The following USP25 variants were observed in gnomAD, a reference collection of about 807,000 sequenced individuals.
The protein encoded by USP25 is ubiquitin carboxyl-terminal hydrolase 25.
In USP25, 85 loss-of-function variants were observed where a neutral mutation model predicts 158.5. The observed-to-expected ratio is 0.54, with a 90% confidence interval of 0.45 to 0.64. USP25 has a LOEUF of 0.64. USP25 is among the 30% of genes least tolerant of loss of function. USP25 has a pLI of 0.00. For missense variants in USP25, 1,242 were observed against 1,327.3 expected (o/e 0.94, Z 1.00); for synonymous variants, 464 against 460.4 (o/e 1.01, Z -0.10).
At chr21:15,750,215 T>TA (rs1491098028) in intron 1 of USP25, among the ~76,000 whole-genome samples, 1,030 of 8,892 alleles carry the variant, frequency 0.12, 18 homozygotes, top group African/African-American at 0.13. Context: ...TGTGTGTATG[T>TA]TTTTTTTTTT....
Position 15,755,782 on chromosome 21 carries a change from G to T in USP25, c.46-7109G>T, listed in dbSNP as rs1273814497. 2.0e-5 allele frequency among the ~76,000 whole-genome samples: 3 copies of T among 152,184 alleles called. No homozygotes were observed. In the East Asian group the frequency reaches 5.8e-4, roughly 29 times the overall value. On this transcript the variant is annotated intron_variant, in intron 1 of 25. Coordinates refer to ENST00000400183, the MANE Select transcript of USP25 (RefSeq NM_001283041.3). The stretch of plus-strand genomic sequence containing the variant: ...AAGTGCATACAAATTTATTGACATG[G>T]AAGCATGGGTGGGAGCTACAAAAAA...
At chr21:15,761,326 C>G (rs1230893041) in intron 1 of USP25, among the ~76,000 whole-genome samples, 1 of 152,154 alleles carries the variant, frequency 6.6e-6, no homozygotes. Flanking sequence ...GGCCTCCCCC[C>G]CAGGAATGTC....
At position 15,878,877 on chromosome 21, in the gene USP25, GAAA is replaced by G. The variant is rs2040199025; in HGVS notation, c.*403_*405del. On this transcript the variant is annotated 3_prime_UTR_variant, in exon 26 of 26. Transcript: ENST00000400183. ...ACATAATATTTGGTAGCTTGTAAAT[GAAA>G]TAAAGAATAAAGTTTTATTTATGGC... 1 of 154,882 alleles carries G rather than the reference GAAA, an allele frequency of 6.5e-6. No individual in the cohort carries two copies. The highest frequency in any genetic ancestry group is 1.4e-5 in the Non-Finnish European group (1 of 69,726). 9.6% of individuals were successfully genotyped at this position (154,882 alleles called of 1,614,324 possible).
At chr21:15,793,918 T>C (rs1215513150) in intron 5 of USP25, among the ~76,000 whole-genome samples, 3 of 151,736 alleles carry the variant, frequency 2.0e-5, no homozygotes, top group South Asian at 2.1e-4. Flanking sequence ...AACTGAGATA[T>C]AATACTTGGC....
chr21:15,825,027 G>A lies in USP25; in HGVS notation c.1270G>A (p.Asp424Asn). The stretch of plus-strand genomic sequence containing the variant: ...GAGGGAAGAGATCAAGAGACTGAAA[G>A]ATTACCTCACGGTATTACAACAAAG... ...IKREEIKRLK[D>N]YLTVLQQRLE... The change falls in exon 12 of 26, where the codon GAT (aspartate) becomes AAT (asparagine). Residue 424 changes from aspartate (D) to asparagine (N), a missense_variant. Asp to Asn is a conservative substitution (Grantham distance 23). Around this residue, in one of 3 missense-constraint regions of USP25, gnomAD observed 627 missense variants for 701.4 expected, o/e 0.89. Transcript: ENST00000400183. 1 of 1,612,152 alleles carries A rather than the reference G, an allele frequency of 6.2e-7. No homozygotes were observed. The highest frequency in any genetic ancestry group is 8.5e-7 in the Non-Finnish European group (1 of 1,179,148).
chr21:15,828,258 C>G (rs1601050547), intron 14 of USP25, among the ~76,000 whole-genome samples: 1 of 152,274 alleles, frequency 6.6e-6, no homozygotes, highest in South Asian at 2.1e-4. Context: ...AATATTTGAA[C>G]TCATTAACAA....
intron 7 of USP25, 36 bp from the exon 8 acceptor site, chr21:15,808,773 A>T: frequency 6.6e-7 from 1 of 1,507,346 alleles, no homozygotes; most frequent in Middle Eastern, 1.9e-4. Flanking sequence ...TTTTTTTAGT[A>T]GGCTCAAATA....
At chr21:15,811,865 C>T (rs78348462) in intron 9 of USP25, among the ~76,000 whole-genome samples, 1 of 152,144 alleles carries the variant, frequency 6.6e-6, no homozygotes, top group East Asian at 1.9e-4. Flanking sequence ...GTTTTTCTCA[C>T]ATCACCCAAT....
At chr21:15,743,529 T>G (rs1005979788) in intron 1 of USP25, among the ~76,000 whole-genome samples, 4 of 151,996 alleles carry the variant, frequency 2.6e-5, no homozygotes, top group Non-Finnish European at 5.9e-5. Flanking sequence ...TTTTTTAGGT[T>G]TGGAATGAGG....
intron 5 of USP25, among the ~76,000 whole-genome samples, chr21:15,793,223 A>C (rs892018490): frequency 6.6e-6 from 1 of 151,692 alleles, no homozygotes; most frequent in Non-Finnish European, 1.5e-5. Flanking sequence ...ATAAGAAGAA[A>C]GAAAGTATTT....
At chr21:15,752,666 C>G (rs1446953898) in intron 1 of USP25, among the ~76,000 whole-genome samples, 1 of 152,200 alleles carries the variant, frequency 6.6e-6, no homozygotes, top group Non-Finnish European at 1.5e-5. Flanking sequence ...CTAGCTATTT[C>G]TCATAAAGTA....
At chr21:15,870,975 G>A (rs901956637) in intron 23 of USP25, among the ~76,000 whole-genome samples, 13 of 152,288 alleles carry the variant, frequency 8.5e-5, no homozygotes, top group African/African-American at 2.9e-4. Context: ...TCAGTTCATC[G>A]GTTACACCGG....
chr21:15,866,143 TC>T (rs1305251948), intron 21 of USP25, 122 bp from the exon 22 acceptor site: 7 of 457,740 alleles, frequency 1.5e-5, no homozygotes, highest in Non-Finnish European at 2.1e-5. Context: ...AGGAGTTGTT[TC>T]TATACAAAAG....
intron 15 of USP25, 29 bp from the exon 16 acceptor site, chr21:15,831,372 A>C (rs2037793061): frequency 6.3e-7 from 1 of 1,596,900 alleles, no homozygotes. Flanking sequence ...ACATAATTGC[A>C]GTTTAACTCT....
chr21:15,827,444 T>C lies in USP25; in HGVS notation c.1693+241T>C, dbSNP rs567147326. On this transcript the variant is annotated intron_variant, in intron 14 of 25. Coordinates refer to ENST00000400183, the MANE Select transcript of USP25 (RefSeq NM_001283041.3). ...CTGATTAATGACATAGCAGATGGCC[T>C]GATTTTCTAGTTTGCTGCTCTAAAT... Among the ~76,000 whole-genome samples, 3 of 152,330 alleles carry C rather than the reference T, an allele frequency of 2.0e-5. No homozygotes were observed. The East Asian group carries it at 5.8e-4, about 29-fold the overall frequency.
At position 15,863,230 on chromosome 21, in the gene USP25, G is replaced by A. The variant is rs1400256217; in HGVS notation, c.2548-1038G>A. On this transcript the variant is annotated intron_variant, in intron 20 of 25. Coordinates refer to ENST00000400183, the MANE Select transcript of USP25 (RefSeq NM_001283041.3). ...AGATTTTGCTTGTATATTAAAACAT[G>A]CATTAGTATTTGTTATTTCCCATTA... 2.0e-5 allele frequency among the ~76,000 whole-genome samples: 3 copies of A among 151,842 alleles called. No homozygotes were observed. The East Asian group carries it at 5.8e-4, about 29-fold the overall frequency.
intron 2 of USP25, among the ~76,000 whole-genome samples, chr21:15,765,395 G>T (rs2823475): frequency 6.6e-5 from 10 of 152,016 alleles, no homozygotes; most frequent in Non-Finnish European, 5.9e-5. Flanking sequence ...CTTTTGATGA[G>T]AACTATGCAA....
At chr21:15,761,621 C>G (rs2033729235) in intron 1 of USP25, among the ~76,000 whole-genome samples, 1 of 152,154 alleles carries the variant, frequency 6.6e-6, no homozygotes, top group Admixed American at 6.5e-5. Flanking sequence ...TTTCAGTAAA[C>G]ACACTGTGCG....
chr21:15,800,479 C>A (rs1483823530), intron 6 of USP25, among the ~76,000 whole-genome samples: 1 of 149,608 alleles, frequency 6.7e-6, no homozygotes, highest in Non-Finnish European at 1.5e-5. Context: ...CTTAAAAGTG[C>A]TTGGTACATA....
Sources: allele counts gnomAD v4.1 joint callset (sites outside exome capture counted in the v4.1 genomes callset), GRCh38; gene constraint gnomAD v4.1.1; regional missense constraint gnomAD v4.1.1; transcripts MANE v1.5; gene names NCBI Gene and HGNC (gene_info 2026-07-23, HGNC 2026-07-21).